Variants in POU3F3 observed in about 807,000 individuals in gnomAD.
The protein encoded by POU3F3 is POU domain, class 3, transcription factor 3.
A neutral mutation model predicts 8.6 loss-of-function variants in POU3F3; 1 was observed. The observed-to-expected ratio is 0.12, with a 90% confidence interval of 0.04 to 0.55. POU3F3 has a LOEUF of 0.55. Among genes scored for constraint, POU3F3 ranks in the 20% least tolerant of loss-of-function variants. The probability of loss-of-function intolerance (pLI) is 0.91; values close to 1 mark genes in which losing one functional copy is unlikely to be tolerated. For synonymous variants in POU3F3, 418 were observed against 327.4 expected, an observed-to-expected ratio of 1.28 and a Z score of -2.99; for missense variants, 577 against 690.7, an observed-to-expected ratio of 0.84 and a Z score of 1.84.
At chr2:104,873,708 C>T in the POU3F3 span, among the ~76,000 whole-genome samples, 1 of 152,200 alleles carries the variant, frequency 6.6e-6, no homozygotes, top group Non-Finnish European at 1.5e-5. Context: ...TCCTCTCTCC[C>T]ACTCTCTGCA....
the POU3F3 span, chr2:104,872,537 C>G: frequency 9.2e-6 from 3 of 326,272 alleles, no homozygotes; most frequent in Non-Finnish European, 1.8e-5. This position sits in a 1 kb window ranked among gnomAD's most constrained non-coding sequence, Gnocchi z 4.6. Flanking sequence ...CTCCCGCTAA[C>G]CCCCGCCCTC....
At chr2:104,900,709 A>G in the POU3F3 span, among the ~76,000 whole-genome samples, 1 of 152,156 alleles carries the variant, frequency 6.6e-6, no homozygotes, top group Non-Finnish European at 1.5e-5. Flanking sequence ...TTATTCGGCT[A>G]TTTACTTTTG....
chr2:104,912,601 G>T, the POU3F3 span, among the ~76,000 whole-genome samples: 1 of 152,206 alleles, frequency 6.6e-6, no homozygotes, highest in Non-Finnish European at 1.5e-5. Flanking sequence ...GACTCAAGAT[G>T]TGTACTTTAT....
the POU3F3 span, chr2:104,872,530 C>A: frequency 3.0e-6 from 1 of 330,510 alleles, no homozygotes; most frequent in Non-Finnish European, 5.9e-6. This position sits in a 1 kb window ranked among gnomAD's most constrained non-coding sequence, Gnocchi z 4.6. Context: ...CCCTTTCCTC[C>A]CGCTAACCCC....
the POU3F3 span, among the ~76,000 whole-genome samples, chr2:104,907,754 T>C: frequency 1.3e-5 from 2 of 152,222 alleles, no homozygotes; most frequent in Non-Finnish European, 2.9e-5. Context: ...CCACCATTTA[T>C]ATTTCTTATT....
the POU3F3 span, among the ~76,000 whole-genome samples, chr2:104,898,128 C>T: frequency 3.8e-3 from 578 of 152,266 alleles, 6 homozygotes; most frequent in African/African-American, 0.013. Context: ...TTAGTGCCCG[C>T]TTAAGAAGAG....
At chr2:104,898,665 GT>G in the POU3F3 span, among the ~76,000 whole-genome samples, 3 of 152,126 alleles carry the variant, frequency 2.0e-5, no homozygotes, top group Non-Finnish European at 4.4e-5. Flanking sequence ...GATAAAAAGT[GT>G]TTTTAAAAAA....
At chr2:104,890,131 G>A in the POU3F3 span, among the ~76,000 whole-genome samples, 385 of 152,296 alleles carry the variant, frequency 2.5e-3, 1 homozygote, top group Middle Eastern at 0.017. Context: ...GGGCTCCCCA[G>A]AGAATCTCTG....
the POU3F3 span, among the ~76,000 whole-genome samples, chr2:104,894,842 G>A: frequency 2.0e-5 from 3 of 152,234 alleles, no homozygotes; most frequent in Non-Finnish European, 4.4e-5. Context: ...CCTGATCCCT[G>A]CACCCACAGG....
the POU3F3 span, among the ~76,000 whole-genome samples, chr2:104,906,166 T>G: frequency 6.6e-6 from 1 of 152,240 alleles, no homozygotes; most frequent in Non-Finnish European, 1.5e-5. Flanking sequence ...AGCATATTCA[T>G]TTTTTTCCTG....
chr2:104,855,339 G>T lies in POU3F3; in HGVS notation c.-172G>T, dbSNP rs1676529509. On this transcript the variant is annotated 5_prime_UTR_variant, in exon 1 of 1. Transcript: ENST00000361360. The stretch of plus-strand genomic sequence containing the variant: ...GGGGGCGGAGGCGGCGGCGGAGGAG[G>T]AGGCGGCGAAGGCGGCGGGGCCGGC... Among the ~76,000 whole-genome samples, 1 of 142,904 alleles carries T rather than the reference G, an allele frequency of 7.0e-6. No homozygotes were observed. The highest frequency in any genetic ancestry group is 6.9e-5 in the Admixed American group (1 of 14,546). 93.8% of individuals were successfully genotyped at this position (142,904 alleles called of 152,430 possible). A position where few individuals can be genotyped will look rare whatever the true frequency, so the allele number is the denominator to read the frequency against.
At chr2:104,877,916 A>G in the POU3F3 span, among the ~76,000 whole-genome samples, 53 of 151,998 alleles carry the variant, frequency 3.5e-4, no homozygotes, top group African/African-American at 1.1e-3. Context: ...TCGGCCTCCC[A>G]AAGTGTTGGG....
At chr2:104,916,787 G>A in the POU3F3 span, among the ~76,000 whole-genome samples, 2 of 152,152 alleles carry the variant, frequency 1.3e-5, no homozygotes, top group Admixed American at 6.5e-5. Flanking sequence ...AACAGAGAGA[G>A]CAAATCCCAC....
At chr2:104,900,005 A>G in the POU3F3 span, among the ~76,000 whole-genome samples, 5 of 152,244 alleles carry the variant, frequency 3.3e-5, no homozygotes, top group African/African-American at 4.8e-5. Context: ...CTCCAGGATC[A>G]CAAGAATCAC....
At chr2:104,883,799 A>C in the POU3F3 span, among the ~76,000 whole-genome samples, 1 of 152,198 alleles carries the variant, frequency 6.6e-6, no homozygotes, top group Non-Finnish European at 1.5e-5. Context: ...GGTAGGAGTG[A>C]GGGGATGCTT....
chr2:104,883,459 T>G, the POU3F3 span, among the ~76,000 whole-genome samples: 2 of 152,228 alleles, frequency 1.3e-5, no homozygotes, highest in Non-Finnish European at 2.9e-5. Flanking sequence ...TAGACAGGGC[T>G]GAAACCAGCA....
At chr2:104,876,396 G>A in the POU3F3 span, among the ~76,000 whole-genome samples, 47 of 152,274 alleles carry the variant, frequency 3.1e-4, no homozygotes, top group South Asian at 7.9e-3. Context: ...TGTGCAAGCA[G>A]GAAGGCTGTC....
the POU3F3 span, among the ~76,000 whole-genome samples, chr2:104,879,409 T>C: frequency 6.6e-5 from 10 of 151,678 alleles, no homozygotes; most frequent in African/African-American, 2.4e-4. Context: ...CAGGGGAGGG[T>C]ACATGGAGAG....
the POU3F3 span, among the ~76,000 whole-genome samples, chr2:104,874,106 G>A: frequency 6.6e-6 from 1 of 152,214 alleles, no homozygotes; most frequent in Non-Finnish European, 1.5e-5. Flanking sequence ...AGAGGATAAT[G>A]GCAAGGAAGC....
Sources: allele counts gnomAD v4.1 joint callset (sites outside exome capture counted in the v4.1 genomes callset), GRCh38; gene constraint gnomAD v4.1.1; non-coding constraint Gnocchi (gnomAD v3.1); transcripts MANE v1.5; gene names NCBI Gene and HGNC (gene_info 2026-07-23, HGNC 2026-07-21).